Variants in BICD1 observed in about 807,000 individuals in gnomAD.
BICD1 encodes the protein protein bicaudal D homolog 1.
BICD1 carries 35 observed loss-of-function variants against 92.5 expected under a neutral mutation model. The observed-to-expected ratio is 0.38, with a 90% CI of 0.29 to 0.50. The LOEUF is 0.50. Among genes scored for constraint, BICD1 ranks in the 20% least tolerant of loss-of-function variants. BICD1 has a pLI of 0.93. For synonymous variants in BICD1, 429 were observed against 465.1 expected (o/e 0.92, Z 1.00); for missense variants, 950 against 1,189.8 (o/e 0.80, Z 2.97).
intron 9 of BICD1, among the ~76,000 whole-genome samples, chr12:32,376,441 G>C (rs1459316728): frequency 6.6e-6 from 1 of 152,014 alleles, no homozygotes; most frequent in Non-Finnish European, 1.5e-5. Flanking sequence ...TTTTACCCTA[G>C]GAAACTCAAT....
intron 1 of BICD1, among the ~76,000 whole-genome samples, chr12:32,171,987 ACACT>A (rs1253430768): frequency 5.3e-5 from 6 of 113,804 alleles, no homozygotes; most frequent in African/African-American, 1.8e-4. Context: ...ACACACACAC[ACACT>A]AAAACTGCTG....
intron 1 of BICD1, among the ~76,000 whole-genome samples, chr12:32,195,577 A>G (rs1281715323): frequency 6.6e-6 from 1 of 152,240 alleles, no homozygotes; most frequent in African/African-American, 2.4e-5. Flanking sequence ...GGATATCTAT[A>G]TGCAAAAGAT....
intron 5 of BICD1, among the ~76,000 whole-genome samples, chr12:32,329,819 T>TA (rs1357793536): frequency 6.6e-6 from 1 of 152,230 alleles, no homozygotes; most frequent in Non-Finnish European, 1.5e-5. Flanking sequence ...CCCTGAGTTT[T>TA]ACCTTGGTGG....
At chr12:32,154,259 G>A (rs934579265) in intron 1 of BICD1, among the ~76,000 whole-genome samples, 6 of 151,966 alleles carry the variant, frequency 3.9e-5, no homozygotes, top group Admixed American at 6.6e-5. Context: ...TCTGGGCTCC[G>A]TAGACTCTCT....
At chr12:32,283,359 A>ACCACTCCACTCCACT (rs10672753) in intron 2 of BICD1, among the ~76,000 whole-genome samples, 5,088 of 149,536 alleles carry the variant, frequency 0.034, 176 homozygotes, top group East Asian at 0.19. Flanking sequence ...TGGGCATTTG[A>ACCACTCCACTCCACT]CCACTCCACT....
chr12:32,348,726 ATATATATATATATATATATATAT>A (rs1565688911), intron 8 of BICD1, among the ~76,000 whole-genome samples: 293 of 3,774 alleles, frequency 0.078, 11 homozygotes, highest in Non-Finnish European at 0.085. Context: ...ACACAAAAAT[ATATATATATATATATATATATAT>A]ATATATATAT....
chr12:32,249,497 A>G (rs562935351), intron 2 of BICD1, among the ~76,000 whole-genome samples: 19 of 152,296 alleles, frequency 1.2e-4, no homozygotes, highest in African/African-American at 4.6e-4. Context: ...AGAGAACTCC[A>G]GATCTGATTT....
intron 8 of BICD1, among the ~76,000 whole-genome samples, chr12:32,349,305 A>G (rs970953534): frequency 6.6e-6 from 1 of 152,192 alleles, no homozygotes; most frequent in Non-Finnish European, 1.5e-5. Context: ...ATTATAAGGC[A>G]TTATCTGAGA....
intron 1 of BICD1, among the ~76,000 whole-genome samples, chr12:32,152,888 A>C (rs1943329865): frequency 6.6e-6 from 1 of 152,194 alleles, no homozygotes; most frequent in Non-Finnish European, 1.5e-5. Flanking sequence ...GTTACATTCC[A>C]GAAGCTTCAG....
chr12:32,177,747 T>A lies in BICD1; in HGVS notation c.214-38500T>A, dbSNP rs951570337. Among the ~76,000 whole-genome samples, 19 of 82,186 alleles carry A rather than the reference T, an allele frequency of 2.3e-4. 3 individuals carry two copies. Among genetic ancestry groups the A allele is most frequent in the South Asian group, 7.1e-4 (2 of 2,828 alleles). 53.9% of individuals were successfully genotyped at this position (82,186 alleles called of 152,430 possible). A position where few individuals can be genotyped will look rare whatever the true frequency, so the allele number is the denominator to read the frequency against. ...AATATATTTATATATTTATATAAAA[T>A]ATATATAAATATTTTAATATATATT... On this transcript the variant is annotated intron_variant, in intron 1 of 9. Transcript: ENST00000652176.
intron 1 of BICD1, among the ~76,000 whole-genome samples, chr12:32,178,058 A>G (rs1479211293): frequency 6.6e-6 from 1 of 151,646 alleles, no homozygotes; most frequent in Non-Finnish European, 1.5e-5. Context: ...GGAAAAAAGC[A>G]GGAGTTATTT....
intron 1 of BICD1, among the ~76,000 whole-genome samples, chr12:32,130,456 G>T (rs1269506162): frequency 6.6e-6 from 1 of 152,184 alleles, no homozygotes; most frequent in Non-Finnish European, 1.5e-5. Flanking sequence ...CTCCCAAAGT[G>T]CTGGGATTAC....
intron 2 of BICD1, among the ~76,000 whole-genome samples, chr12:32,274,344 C>G (rs1468723567): frequency 6.6e-6 from 1 of 152,104 alleles, no homozygotes; most frequent in Admixed American, 6.6e-5. Flanking sequence ...TACTCACAGT[C>G]ATGGAATACA....
chr12:32,344,639 C>G (rs1938502670), intron 8 of BICD1, among the ~76,000 whole-genome samples: 2 of 152,174 alleles, frequency 1.3e-5, no homozygotes, highest in African/African-American at 4.8e-5. Flanking sequence ...CATATTTCAT[C>G]AGCCAGCATG....
chr12:32,147,749 A>G (rs1943157753), intron 1 of BICD1, among the ~76,000 whole-genome samples: 1 of 152,222 alleles, frequency 6.6e-6, no homozygotes, highest in Non-Finnish European at 1.5e-5. Context: ...ATAGACACTT[A>G]AAGTTCAGAG....
At chr12:32,349,325 C>A (rs16919770) in intron 8 of BICD1, among the ~76,000 whole-genome samples, 10,489 of 152,168 alleles carry the variant, frequency 0.069, 530 homozygotes, top group Non-Finnish European at 0.098. Context: ...AGGGTATATC[C>A]AAACTGTACC....
chr12:32,375,426 A>G (rs1939916036), intron 9 of BICD1, among the ~76,000 whole-genome samples: 1 of 152,080 alleles, frequency 6.6e-6, no homozygotes. Flanking sequence ...GCTACTCGGG[A>G]GGCTGAAGCA....
chr12:32,179,306 A>G (rs1022014326), intron 1 of BICD1, among the ~76,000 whole-genome samples: 35 of 151,976 alleles, frequency 2.3e-4, no homozygotes, highest in African/African-American at 7.5e-4. Flanking sequence ...ATGCTATTCC[A>G]CCAGAAATAA....
intron 7 of BICD1, chr12:32,338,549 A>G (rs911741121): frequency 4.4e-5 from 17 of 388,878 alleles, no homozygotes; most frequent in African/African-American, 1.9e-4. Context: ...TATATTTTCT[A>G]TTTGCGGTTC....
Sources: allele counts gnomAD v4.1 joint callset (sites outside exome capture counted in the v4.1 genomes callset), GRCh38; gene constraint gnomAD v4.1.1; transcripts MANE v1.5; gene names NCBI Gene and HGNC (gene_info 2026-07-23, HGNC 2026-07-21).